The following PCDH15 variants were observed in gnomAD, a reference collection of about 807,000 sequenced individuals.
PCDH15 encodes the protein protocadherin-15.
PCDH15 carries 129 observed loss-of-function variants against 178.5 expected under a neutral mutation model. That is an observed-to-expected ratio of 0.72 (90% CI 0.63 to 0.84). PCDH15 has a LOEUF of 0.84. Among genes scored for constraint, PCDH15 ranks in the 40% least tolerant of loss-of-function variants. PCDH15 has a pLI of 0.00. For synonymous variants in PCDH15, 800 were observed against 732.0 expected (o/e 1.09, Z -1.50); for missense variants, 2,230 against 2,099.9 (o/e 1.06, Z -1.21).
At chr10:53,866,948 T>C in intron 26 of PCDH15, 91 bp from the exon 27 acceptor site, 1 of 889,894 alleles carries the variant, frequency 1.1e-6, no homozygotes, top group Non-Finnish European at 1.9e-6. Context: ...AGAATGAGGT[T>C]TCTTATGTAA....
chr10:54,667,515 G>A (rs2135460874), intron 1 of PCDH15, among the ~76,000 whole-genome samples: 1 of 152,152 alleles, frequency 6.6e-6, no homozygotes, highest in South Asian at 2.1e-4. Context: ...ACAAAAGACT[G>A]TTTTTGTTAC....
chr10:55,248,803 C>A (rs1316180059), intron 1 of PCDH15, among the ~76,000 whole-genome samples: 1 of 152,018 alleles, frequency 6.6e-6, no homozygotes, highest in Non-Finnish European at 1.5e-5. Context: ...GTGATTCCCC[C>A]ACCTCAGCCT....
intron 3 of PCDH15, among the ~76,000 whole-genome samples, chr10:54,871,290 A>T (rs534666395): frequency 6.6e-6 from 1 of 152,300 alleles, no homozygotes; most frequent in South Asian, 2.1e-4. Context: ...CAGACAAGAC[A>T]ACCCCAAGAT....
rs942148737 is a variant in PCDH15 at position 54,354,430 on chromosome 10, T to G, written c.475-7946A>C. ...TTCCTTTAATCTCCTTATCTCTTTC[T>G]CTTTTTTAACTGTTTCCTGATTCTC... On this transcript the variant is annotated intron_variant, in intron 5 of 37. Coordinates refer to ENST00000644397, the MANE Select transcript of PCDH15 (RefSeq NM_001384140.1). Among the ~76,000 whole-genome samples the G allele has an allele frequency of 5.9e-5, 9 of 152,356 alleles. No individual in the cohort carries two copies. In the East Asian group the frequency reaches 1.7e-3, roughly 29 times the overall value.
intron 18 of PCDH15, among the ~76,000 whole-genome samples, chr10:54,059,447 G>T (rs1246615956): frequency 1.3e-5 from 2 of 152,012 alleles, no homozygotes; most frequent in Admixed American, 1.3e-4. Flanking sequence ...ATACATAAAA[G>T]AATTTTATAT....
At chr10:54,878,659 A>G (rs1265049852) in intron 3 of PCDH15, among the ~76,000 whole-genome samples, 1 of 152,076 alleles carries the variant, frequency 6.6e-6, no homozygotes, top group Admixed American at 6.6e-5. Context: ...TTATGTATTT[A>G]TTTATATTTT....
intron 13 of PCDH15, among the ~76,000 whole-genome samples, chr10:54,161,283 C>T (rs2045686718): frequency 6.6e-6 from 1 of 151,958 alleles, no homozygotes; most frequent in Non-Finnish European, 1.5e-5. Flanking sequence ...ATTTAAAAAG[C>T]CAGGTAAAAT....
At chr10:55,165,111 A>G (rs1839162711) in intron 2 of PCDH15, among the ~76,000 whole-genome samples, 1 of 152,072 alleles carries the variant, frequency 6.6e-6, no homozygotes, top group African/African-American at 2.4e-5. Flanking sequence ...TCATAAACTC[A>G]CCTGAACTCT....
In PCDH15 at chr10:54,212,705, T is replaced by C. The variant is rs1591201265; in HGVS notation, c.1098+1231A>G. 2.0e-5 allele frequency among the ~76,000 whole-genome samples: 3 copies of C among 152,274 alleles called. No individual in the cohort carries two copies. The South Asian group carries it at 6.2e-4, about 32-fold the overall frequency. On this transcript the variant is annotated intron_variant, in intron 10 of 37. Coordinates refer to ENST00000644397, the MANE Select transcript of PCDH15 (RefSeq NM_001384140.1). ...CTGTTTCCCTTTCTAGACTATAAGTTTTTTCAAGGACAAAGATCGCTGAAT... is the reference window on the plus strand; with the variant it reads ...CTGTTTCCCTTTCTAGACTATAAGTCTTTTCAAGGACAAAGATCGCTGAAT...
chr10:55,077,674 C>T (rs1424507728), intron 2 of PCDH15, among the ~76,000 whole-genome samples: 15 of 151,942 alleles, frequency 9.9e-5, no homozygotes, highest in African/African-American at 3.4e-4. Flanking sequence ...CTCAGCCTCC[C>T]GAGTAGCTGG....
chr10:53,816,118 C>CTTTT, intron 35 of PCDH15, 121 bp downstream of exon 35: 1 of 394,444 alleles, frequency 2.5e-6, no homozygotes, highest in East Asian at 3.6e-5. Flanking sequence ...AGACTCTTTT[C>CTTTT]TTTTCCTTTA....
intron 3 of PCDH15, among the ~76,000 whole-genome samples, chr10:54,431,787 A>T (rs1191366093): frequency 6.6e-6 from 1 of 152,114 alleles, no homozygotes; most frequent in East Asian, 1.9e-4. Flanking sequence ...AACAAAGAGC[A>T]CCCCAACTGG....
chr10:54,300,714 G>C (rs2060098446), intron 8 of PCDH15, among the ~76,000 whole-genome samples: 2 of 152,148 alleles, frequency 1.3e-5, no homozygotes, highest in Admixed American at 1.3e-4. Flanking sequence ...TCAGCGCTCT[G>C]TGTCTAGCTA....
At chr10:55,567,819 C>T (rs569667631) in intron 2 of PCDH15, among the ~76,000 whole-genome samples, 2 of 151,438 alleles carry the variant, frequency 1.3e-5, no homozygotes, top group Admixed American at 1.3e-4. Flanking sequence ...CTTGTTACAC[C>T]GTTGGCACAT....
chr10:55,568,383 A>G (rs1342585794), intron 2 of PCDH15, among the ~76,000 whole-genome samples: 1 of 151,992 alleles, frequency 6.6e-6, no homozygotes, highest in Admixed American at 6.6e-5. Flanking sequence ...AGACAGTGAA[A>G]TAATGGTTGC....
chr10:54,189,684 C>T lies in PCDH15; in HGVS notation c.1306-4416G>A, dbSNP rs181127677. On this transcript the variant is annotated intron_variant, in intron 11 of 37. Transcript: ENST00000644397. Reference sequence around the variant, plus strand: ...TTATAAATAAGTATCTTTTTACAAGCCAAATGAGTAATCTTTATTGATTAT... The same window carrying T: ...TTATAAATAAGTATCTTTTTACAAGTCAAATGAGTAATCTTTATTGATTAT... Among the ~76,000 whole-genome samples the T allele has an allele frequency of 1.8e-3, 269 of 152,052 alleles. 1 individual carries two copies. The highest frequency in any genetic ancestry group is 5.6e-3 in the African/African-American group (231 of 41,518).
intron 1 of PCDH15, among the ~76,000 whole-genome samples, chr10:54,753,893 T>TG (rs1238234528): frequency 3.0e-3 from 29 of 9,678 alleles, no homozygotes; most frequent in Middle Eastern, 0.083. Flanking sequence ...TGTTTGTTTG[T>TG]GTTTTTTTTT....
rs922311856 is a variant in PCDH15 at position 53,818,018 on chromosome 10, A to G, written c.4434-5T>C. Reference sequence around the variant, plus strand: ...ACCTCTGATCCATAACCTCTCCTGCAAGGCAGAAATAAATAAATCAGTATT... The same window carrying G: ...ACCTCTGATCCATAACCTCTCCTGCGAGGCAGAAATAAATAAATCAGTATT... On this transcript the variant is annotated splice_polypyrimidine_tract_variant and splice_region_variant and intron_variant, in intron 33 of 37. Transcript: ENST00000644397. 2 of 398,554 alleles carry G rather than the reference A, an allele frequency of 5.0e-6. No individual in the cohort carries two copies. Among genetic ancestry groups the G allele is most frequent in the African/African-American group, 4.1e-5 (2 of 48,636 alleles). The allele number at this position is 398,554 out of a possible 1,614,324, so 24.7% of individuals were successfully genotyped here. A position where few individuals can be genotyped will look rare whatever the true frequency, so the allele number is the denominator to read the frequency against.
chr10:55,175,314 C>T (rs1839448747), intron 1 of PCDH15, among the ~76,000 whole-genome samples: 1 of 152,270 alleles, frequency 6.6e-6, no homozygotes, highest in Non-Finnish European at 1.5e-5. Flanking sequence ...GCATGCCACT[C>T]TACCTCCTGA....
Sources: gnomAD v4.1 joint callset for allele counts (sites outside exome capture counted in the v4.1 genomes callset) on GRCh38, gnomAD v4.1.1 for gene constraint, MANE v1.5 for transcripts, NCBI Gene and HGNC (gene_info 2026-07-23, HGNC 2026-07-21) for gene names.